The following CDC27 variants were observed in gnomAD, a reference collection of about 807,000 sequenced individuals.
CDC27 encodes the protein cell division cycle protein 27 homolog.
In CDC27, 27 loss-of-function variants were observed where a neutral mutation model predicts 109.7. That is an observed-to-expected ratio of 0.25 (90% CI 0.18 to 0.34). The LOEUF is 0.34. Among genes scored for constraint, CDC27 ranks in the 10% least tolerant of loss-of-function variants. The pLI, the probability that CDC27 is intolerant of heterozygous loss-of-function variation, is 1.00. For missense variants in CDC27, 579 were observed against 960.2 expected (o/e 0.60, Z 5.25); for synonymous variants, 266 against 333.9 (o/e 0.80, Z 2.22).
intron 2 of CDC27, 95 bp downstream of exon 2, chr17:47,181,467 G>A: frequency 1.5e-6 from 1 of 650,036 alleles, no homozygotes; most frequent in Non-Finnish European, 2.7e-6. Context: ...ACAACAAGAT[G>A]ATGATAGCTA....
At chr17:47,183,000 A>G (rs993162331) in intron 1 of CDC27, among the ~76,000 whole-genome samples, 10 of 152,152 alleles carry the variant, frequency 6.6e-5, no homozygotes, top group African/African-American at 2.4e-4. Flanking sequence ...GGAGTGCAAT[A>G]GGAGCAAGAC....
Position 47,172,039 on chromosome 17 carries a change from TA to T in CDC27, c.128del (p.Leu43TyrfsTer19). 2 of 1,586,664 alleles carry T rather than the reference TA, an allele frequency of 1.3e-6. No individual in the cohort carries two copies. The highest frequency in any genetic ancestry group is 8.6e-7 in the Non-Finnish European group (1 of 1,168,968). Reference sequence around the variant, plus strand: ...CTGAGCGGTAATAACAGGTTGCCAGTAAAAACAAGGCTTCTTCTGAGTGTAC... The same window carrying T: ...CTGAGCGGTAATAACAGGTTGCCAGTAAAACAAGGCTTCTTCTGAGTGTAC... The part of the protein sequence containing the change: ...AEVHSEEALF[L>X]LATCYYRSGK... On this transcript the variant is annotated frameshift_variant, in exon 3 of 19. Coordinates refer to ENST00000066544, the MANE Select transcript of CDC27 (RefSeq NM_001256.6). LOFTEE classifies it high-confidence loss of function.
intron 1 of CDC27, chr17:47,188,759 A>C (rs2064550129): frequency 9.5e-7 from 1 of 1,054,640 alleles, no homozygotes; most frequent in South Asian, 4.0e-5. Flanking sequence ...CACGAAGATC[A>C]CACAAGCTCC....
chr17:47,156,566 GCCT>G (rs1003727112), intron 7 of CDC27: 2 of 159,332 alleles, frequency 1.3e-5, no homozygotes, highest in African/African-American at 4.8e-5. Context: ...TCCTGTCTCA[GCCT>G]CCTGAGTAGC....
Position 47,157,218 on chromosome 17 carries a change from TAAG to T in CDC27, c.630+9_630+11del. The T allele has an allele frequency of 6.2e-7, 1 of 1,603,880 alleles. No homozygotes were observed. The highest frequency in any genetic ancestry group is 8.5e-7 in the Non-Finnish European group (1 of 1,174,042). On this transcript the variant is annotated intron_variant, in intron 6 of 18. Transcript: ENST00000066544. The stretch of plus-strand genomic sequence containing the variant: ...TCATAATATTTTGAACACTAGAATA[TAAG>T]ACACTTACAATTGTGTCCTGGGGTG...
intron 2 of CDC27, among the ~76,000 whole-genome samples, chr17:47,174,043 G>A (rs2063902986): frequency 6.6e-6 from 1 of 152,224 alleles, no homozygotes; most frequent in East Asian, 1.9e-4. Context: ...GCAGTGAGCC[G>A]AGATCGTGCC....
chr17:47,175,834 C>T (rs993285741), intron 2 of CDC27, among the ~76,000 whole-genome samples: 3 of 152,078 alleles, frequency 2.0e-5, no homozygotes, highest in South Asian at 2.1e-4. Flanking sequence ...AAAAATAAAA[C>T]AAATCGATTA....
intron 2 of CDC27, among the ~76,000 whole-genome samples, chr17:47,176,115 A>G (rs1364331822): frequency 6.6e-6 from 1 of 152,202 alleles, no homozygotes; most frequent in African/African-American, 2.4e-5. Context: ...TGTATGTGCT[A>G]TTATTTTAAT....
intron 1 of CDC27, chr17:47,188,888 G>A: frequency 7.2e-7 from 1 of 1,385,002 alleles, no homozygotes; most frequent in Non-Finnish European, 9.4e-7. Flanking sequence ...AGGCTGGCCG[G>A]ACGTTGGCTC....
At chr17:47,149,868 T>C (rs1182174545) in intron 9 of CDC27, among the ~76,000 whole-genome samples, 1 of 152,118 alleles carries the variant, frequency 6.6e-6, no homozygotes, top group Non-Finnish European at 1.5e-5. Context: ...GGCAGTAGCA[T>C]TGCTTGAACT....
chr17:47,125,104 A>G (rs1319988015), intron 16 of CDC27, among the ~76,000 whole-genome samples: 1 of 151,534 alleles, frequency 6.6e-6, no homozygotes, highest in Non-Finnish European at 1.5e-5. Context: ...TTTTTAGTAG[A>G]GATGGGGTTT....
At chr17:47,145,080 G>C (rs1170423335) in intron 9 of CDC27, among the ~76,000 whole-genome samples, 1 of 152,084 alleles carries the variant, frequency 6.6e-6, no homozygotes, top group African/African-American at 2.4e-5. Flanking sequence ...ACAGACTTCC[G>C]CTAGTCATGA....
intron 4 of CDC27, 72 bp downstream of exon 4, chr17:47,169,845 A>G: frequency 7.7e-7 from 1 of 1,304,454 alleles, no homozygotes; most frequent in East Asian, 2.5e-5. Flanking sequence ...ACTGATCAAC[A>G]TAGGTTTTTT....
rs1352802971 is a variant in CDC27, at chr17:47,156,906, G to GACTT, written c.842+3_842+6dup. On this transcript the variant is annotated splice_region_variant and intron_variant, in intron 7 of 18. Coordinates refer to ENST00000066544, the MANE Select transcript of CDC27 (RefSeq NM_001256.6). ...TAGCACATTTGAAAGTATCTTGTTTGACTTACCTTGGGGTTAATGGACTAA... is the reference window on the plus strand; with the variant it reads ...TAGCACATTTGAAAGTATCTTGTTTGACTTACTTACCTTGGGGTTAATGGACTAA... The GACTT allele has an allele frequency of 1.8e-6, 2 of 1,105,332 alleles. No individual in the cohort carries two copies. The highest frequency in any genetic ancestry group is 2.6e-6 in the Non-Finnish European group (2 of 769,152). 68.5% of individuals were successfully genotyped at this position (1,105,332 alleles called of 1,614,324 possible).
At chr17:47,148,130 G>A (rs577968384) in intron 9 of CDC27, among the ~76,000 whole-genome samples, 1 of 150,768 alleles carries the variant, frequency 6.6e-6, no homozygotes, top group South Asian at 2.1e-4. Context: ...CCCAGGAGGG[G>A]CGGAGGGTGC....
In CDC27 at chr17:47,123,584, G is replaced by T. The variant is rs11570569; in HGVS notation, c.2235+302C>A. ...TGTCACCATGCCCAGCTAATTTTTTGTATTTTTAGTAGAGGTCAGGTTTCA... is the reference window on the plus strand; with the variant it reads ...TGTCACCATGCCCAGCTAATTTTTTTTATTTTTAGTAGAGGTCAGGTTTCA... On this transcript the variant is annotated intron_variant, in intron 17 of 18. Coordinates refer to ENST00000066544, the MANE Select transcript of CDC27 (RefSeq NM_001256.6). Among the ~76,000 whole-genome samples the T allele has an allele frequency of 3.4e-4, 52 of 151,476 alleles. 1 individual carries two copies. The highest frequency in any genetic ancestry group is 1.2e-3 in the African/African-American group (49 of 41,238).
chr17:47,142,060 A>C lies in CDC27; in HGVS notation c.1379-35T>G, dbSNP rs747163950. 11 of 1,459,490 alleles carry C rather than the reference A, an allele frequency of 7.5e-6. No homozygotes were observed. In the South Asian group the frequency reaches 1.1e-4, roughly 14 times the overall value. The allele number at this position is 1,459,490 out of a possible 1,614,324, so 90.4% of individuals were successfully genotyped here. A position where few individuals can be genotyped will look rare whatever the true frequency, so the allele number is the denominator to read the frequency against. ...AACAACATAGTAAACAAAGGAAAAA[A>C]CGCAATAAACTAGTCTGCTTCTCTA... On this transcript the variant is annotated intron_variant, in intron 11 of 18. Transcript: ENST00000066544.
chr17:47,137,806 T>TC (rs368113433), intron 13 of CDC27, among the ~76,000 whole-genome samples: 2,483 of 57,752 alleles, frequency 0.043, 55 homozygotes, highest in African/African-American at 0.11. Context: ...ATTCTCTCTC[T>TC]TTTTTTTTTT....
chr17:47,176,217 A>C (rs2064000170), intron 2 of CDC27, among the ~76,000 whole-genome samples: 1 of 152,146 alleles, frequency 6.6e-6, no homozygotes, highest in African/African-American at 2.4e-5. Flanking sequence ...ATGCTCAAGT[A>C]ATTCTATTTC....
Sources: allele counts gnomAD v4.1 joint callset (sites outside exome capture counted in the v4.1 genomes callset), GRCh38; gene constraint gnomAD v4.1.1; transcripts MANE v1.5; gene names NCBI Gene and HGNC (gene_info 2026-07-23, HGNC 2026-07-21).